Variants in NF2 observed in about 807,000 individuals in gnomAD.
NF2 encodes merlin.
A neutral mutation model predicts 83.7 loss-of-function variants in NF2; 8 were observed. The ratio of observed to expected loss-of-function variants is 0.10; its 90% CI spans 0.06 to 0.17. The LOEUF is 0.17. NF2 is among the 10% of genes least tolerant of loss of function. The pLI is 1.00. For synonymous variants in NF2, 266 were observed against 269.6 expected, an observed-to-expected ratio of 0.99 and a Z score of 0.13; for missense variants, 533 against 744.4, an observed-to-expected ratio of 0.72 and a Z score of 3.31.
chr22:29,668,276 T>TA (rs1055077683), intron 9 of NF2, 57 bp from the exon 10 acceptor site: 2 of 1,281,850 alleles, frequency 1.6e-6, no homozygotes, highest in Non-Finnish European at 2.3e-6. Flanking sequence ...AGTGGGCCAG[T>TA]AGGCAGTGAA....
At chr22:29,689,556 G>A (rs1280752344) in intron 15 of NF2, among the ~76,000 whole-genome samples, 1 of 152,098 alleles carries the variant, frequency 6.6e-6, no homozygotes, top group East Asian at 1.9e-4. Flanking sequence ...TATTAGGTTA[G>A]TATCTAAAAT....
At chr22:29,674,703 C>G in intron 12 of NF2, 133 bp from the exon 13 acceptor site, 1 of 736,800 alleles carries the variant, frequency 1.4e-6, no homozygotes, top group South Asian at 1.5e-5. Flanking sequence ...ATCCCTGTCT[C>G]ACTGTCCTTT....
chr22:29,640,194 TAAAA>T lies in NF2; in HGVS notation c.363+1004_363+1007del, dbSNP rs11379333. Among the ~76,000 whole-genome samples, 367 of 92,788 alleles carry T rather than the reference TAAAA, an allele frequency of 4.0e-3. 2 individuals carry two copies. Among genetic ancestry groups the T allele is most frequent in the African/African-American group, 8.8e-3 (223 of 25,344 alleles). The allele number at this position is 92,788 out of a possible 152,430, so 60.9% of individuals were successfully genotyped here. ...TGGGTGACAGAGTGAGACTCTGTCT[TAAAA>T]AAAAAAAAAAAAAAAAAAAAAGAGG... On this transcript the variant is annotated intron_variant, in intron 3 of 15. Coordinates refer to ENST00000338641, the MANE Select transcript of NF2 (RefSeq NM_000268.4).
chr22:29,677,513 A>C (rs2067001054), intron 13 of NF2, among the ~76,000 whole-genome samples: 2 of 151,754 alleles, frequency 1.3e-5, no homozygotes, highest in African/African-American at 4.8e-5. Flanking sequence ...AAAAAAAAAA[A>C]ACTACACCAC....
chr22:29,636,888 A>C lies in NF2; in HGVS notation c.240+12A>C, dbSNP rs2065663883. 1 of 1,613,760 alleles carries C rather than the reference A, an allele frequency of 6.2e-7. No individual in the cohort carries two copies. ...AAATGGACAAGAAGGTTGGGCTAGA[A>C]CTCGATGAAACTGGTGGGGCTGACG... On this transcript the variant is annotated intron_variant, in intron 2 of 15. Transcript: ENST00000338641. This position sits in a 1 kb window ranked among gnomAD's most constrained non-coding sequence, Gnocchi z 4.4.
intron 4 of NF2, among the ~76,000 whole-genome samples, chr22:29,648,901 T>G (rs2066060813): frequency 6.6e-6 from 1 of 152,216 alleles, no homozygotes; most frequent in East Asian, 1.9e-4. Flanking sequence ...CAGCTCATTT[T>G]CATTTAACTG....
intron 1 of NF2, among the ~76,000 whole-genome samples, chr22:29,622,660 T>TTC (rs2065244364): frequency 7.2e-6 from 1 of 138,512 alleles, no homozygotes; most frequent in Admixed American, 7.2e-5. Flanking sequence ...TTTTTTTTTT[T>TTC]TTTTTTTTTT....
At chr22:29,644,454 G>A (rs1457174308) in intron 4 of NF2, among the ~76,000 whole-genome samples, 1 of 151,342 alleles carries the variant, frequency 6.6e-6, no homozygotes, top group Non-Finnish European at 1.5e-5. Flanking sequence ...GCCAGGCAGA[G>A]GGGCTCCTCA....
intron 11 of NF2, among the ~76,000 whole-genome samples, chr22:29,672,794 AT>A (rs1281381205): frequency 3.6e-5 from 5 of 139,856 alleles, no homozygotes; most frequent in African/African-American, 8.0e-5. Context: ...TTTTTTTTGT[AT>A]TTTTAGTAGA....
At chr22:29,673,194 C>T in intron 11 of NF2, 75 bp from the exon 12 acceptor site, 5 of 1,469,070 alleles carry the variant, frequency 3.4e-6, no homozygotes, top group Non-Finnish European at 4.7e-6. Flanking sequence ...TTTGTCCCAT[C>T]TCAGTGTTCA....
At chr22:29,661,543 G>A (rs1439329523) in intron 8 of NF2, among the ~76,000 whole-genome samples, 1 of 152,230 alleles carries the variant, frequency 6.6e-6, no homozygotes, top group East Asian at 1.9e-4. Context: ...AGGAAACTGG[G>A]AAGCTCAACT....
At chr22:29,631,011 C>T (rs1223382360) in intron 1 of NF2, among the ~76,000 whole-genome samples, 1 of 152,128 alleles carries the variant, frequency 6.6e-6, no homozygotes, top group Non-Finnish European at 1.5e-5. Context: ...GTTCTTGGAG[C>T]CCCACAGGTA....
chr22:29,677,984 T>C (rs1345947272), intron 13 of NF2, among the ~76,000 whole-genome samples: 2 of 132,562 alleles, frequency 1.5e-5, no homozygotes, highest in African/African-American at 2.7e-5. Context: ...GGGATGATTT[T>C]CCTGGATTTG....
rs571494769 is a variant in NF2 at position 29,694,039 on chromosome 22, T to C, written c.1738-713T>C. Reference sequence around the variant, plus strand: ...CTCACTATGCCAAGAGCTCGGTCCCTGATCCACCCCATCCCCTTCCACATC... The same window carrying C: ...CTCACTATGCCAAGAGCTCGGTCCCCGATCCACCCCATCCCCTTCCACATC... On this transcript the variant is annotated intron_variant, in intron 15 of 15. Transcript: ENST00000338641. The surrounding 1 kb of genome is among the most constrained non-coding windows in gnomAD (Gnocchi z 4.1). Among the ~76,000 whole-genome samples the C allele has an allele frequency of 4.5e-4, 68 of 152,328 alleles. No individual in the cohort carries two copies. The highest frequency in any genetic ancestry group is 1.0e-3 in the South Asian group (5 of 4,828).
At chr22:29,689,563 A>T (rs896203142) in intron 15 of NF2, among the ~76,000 whole-genome samples, 1 of 152,142 alleles carries the variant, frequency 6.6e-6, no homozygotes, top group Non-Finnish European at 1.5e-5. Context: ...TTAGTATCTA[A>T]AATGGGTTCA....
chr22:29,692,148 C>T (rs2067422969), intron 15 of NF2, among the ~76,000 whole-genome samples: 2 of 152,284 alleles, frequency 1.3e-5, no homozygotes, highest in Admixed American at 1.3e-4. Flanking sequence ...CCCTTGCTGA[C>T]CAGTGCAGCC....
chr22:29,674,342 G>A (rs765909797), intron 12 of NF2, among the ~76,000 whole-genome samples: 2 of 152,200 alleles, frequency 1.3e-5, no homozygotes, highest in Non-Finnish European at 2.9e-5. Context: ...ACCAGGGTGC[G>A]GGTGCCCTCA....
intron 7 of NF2, among the ~76,000 whole-genome samples, chr22:29,660,658 G>C (rs1001457911): frequency 6.6e-6 from 1 of 152,156 alleles, no homozygotes; most frequent in Non-Finnish European, 1.5e-5. Flanking sequence ...CAGCCTTCTG[G>C]GTTCAACCAG....
At chr22:29,655,173 G>A (rs993705450) in intron 5 of NF2, among the ~76,000 whole-genome samples, 6 of 152,142 alleles carry the variant, frequency 3.9e-5, no homozygotes, top group South Asian at 2.1e-4. Flanking sequence ...TGCTCCTGCC[G>A]ATTTTACAGC....
Sources: allele counts gnomAD v4.1 joint callset (sites outside exome capture counted in the v4.1 genomes callset), GRCh38; gene constraint gnomAD v4.1.1; non-coding constraint Gnocchi (gnomAD v3.1); transcripts MANE v1.5; gene names NCBI Gene and HGNC (gene_info 2026-07-23, HGNC 2026-07-21).